Variants in HCN1 observed in about 807,000 individuals in gnomAD.
HCN1 encodes the protein hyperpolarization activated cyclic nucleotide gated potassium channel 1.
HCN1 carries 13 observed loss-of-function variants against 78.9 expected under a neutral mutation model. The observed-to-expected ratio is 0.16, with a 90% CI of 0.11 to 0.26. The LOEUF is 0.26. HCN1 is among the 10% of genes least tolerant of loss of function. The pLI is 1.00. For missense variants in HCN1, 810 were observed against 1,154.3 expected (o/e 0.70, Z 4.32); for synonymous variants, 552 against 455.5 (o/e 1.21, Z -2.70).
intron 2 of HCN1, among the ~76,000 whole-genome samples, chr5:45,473,352 C>T (rs1741442266): frequency 6.6e-6 from 1 of 151,872 alleles, no homozygotes. Flanking sequence ...TTCTCCAGTG[C>T]AGCTAGTTAA....
At chr5:45,539,055 G>A (rs892054014) in intron 2 of HCN1, among the ~76,000 whole-genome samples, 4 of 152,140 alleles carry the variant, frequency 2.6e-5, no homozygotes, top group South Asian at 2.1e-4. Context: ...GATTTAAAGC[G>A]TAGGTTCAAT....
chr5:45,372,770 A>G (rs528510062), intron 4 of HCN1, among the ~76,000 whole-genome samples: 1 of 143,330 alleles, frequency 7.0e-6, no homozygotes, highest in African/African-American at 2.5e-5. Context: ...ACAAAAATAT[A>G]TACGTATTCT....
chr5:45,625,015 A>G (rs1403661947), intron 2 of HCN1, among the ~76,000 whole-genome samples: 1 of 152,136 alleles, frequency 6.6e-6, no homozygotes, highest in Non-Finnish European at 1.5e-5. Context: ...GTTTGATCTA[A>G]TAGTGTGTAG....
chr5:45,645,423 G>C lies in HCN1; in HGVS notation c.611C>G (p.Ser204Cys). The C allele has an allele frequency of 6.2e-7, 1 of 1,613,576 alleles. No individual in the cohort carries two copies. Among genetic ancestry groups the C allele is most frequent in the Non-Finnish European group, 8.5e-7 (1 of 1,179,748 alleles). Residue 204 changes from serine to cysteine, a missense_variant, in exon 2 of 8, where the codon TCT becomes TGT. Around this residue, in one of 6 missense-constraint regions of HCN1, gnomAD observed 104 missense variants for 402.8 expected, o/e 0.26. Transcript: ENST00000303230. ...CACTTTGGGGTCCAGGATGATTTCA[G>C]AACTGTCTTCATTGACAGTCCCAGT... The part of the protein sequence containing the change: ...FRTGTVNEDS[S>C]EIILDPKVIK...
intron 4 of HCN1, among the ~76,000 whole-genome samples, chr5:45,392,210 G>A (rs550247664): frequency 1.3e-5 from 2 of 152,190 alleles, no homozygotes; most frequent in East Asian, 1.9e-4. Flanking sequence ...CACCTTTTGT[G>A]TCTGGGTGTA....
At chr5:45,365,319 G>A (rs1021653594) in intron 4 of HCN1, among the ~76,000 whole-genome samples, 1 of 151,860 alleles carries the variant, frequency 6.6e-6, no homozygotes, top group East Asian at 1.9e-4. Context: ...TACTCAATAG[G>A]TAATTTTTCA....
intron 2 of HCN1, among the ~76,000 whole-genome samples, chr5:45,472,407 T>C (rs1741409250): frequency 6.6e-6 from 1 of 151,498 alleles, no homozygotes; most frequent in African/African-American, 2.4e-5. Flanking sequence ...TCTTACTAGA[T>C]AGTGAGCCCT....
intron 6 of HCN1, among the ~76,000 whole-genome samples, chr5:45,277,105 T>C (rs1406819651): frequency 6.6e-6 from 1 of 152,074 alleles, no homozygotes; most frequent in Non-Finnish European, 1.5e-5. Context: ...GTGTGCAAAA[T>C]ATTATTTTAA....
At chr5:45,674,960 G>T (rs1022748222) in intron 1 of HCN1, among the ~76,000 whole-genome samples, 1 of 151,620 alleles carries the variant, frequency 6.6e-6, no homozygotes, top group Non-Finnish European at 1.5e-5. Context: ...AGATATGCAT[G>T]CATATATAAG....
At chr5:45,637,722 C>T (rs1745380676) in intron 2 of HCN1, among the ~76,000 whole-genome samples, 1 of 151,874 alleles carries the variant, frequency 6.6e-6, no homozygotes, top group African/African-American at 2.4e-5. Flanking sequence ...TTTTCATGAA[C>T]ATGAAACATA....
rs75457555 is a variant in HCN1, at chr5:45,417,019, A to G, written c.1012-20309T>C. Among the ~76,000 whole-genome samples, 567 of 152,168 alleles carry G rather than the reference A, an allele frequency of 3.7e-3. 2 individuals carry two copies. Among genetic ancestry groups the G allele is most frequent in the African/African-American group, 0.01 (425 of 41,568 alleles). ...AACAGAGAACACATTTAAATACACT[A>G]AAGTTTGAACCTGCTTTACAAACAA... On this transcript the variant is annotated intron_variant, in intron 3 of 7. Transcript: ENST00000303230.
At chr5:45,617,942 ATTGTAGAC>A (rs1416318892) in intron 2 of HCN1, among the ~76,000 whole-genome samples, 1 of 152,116 alleles carries the variant, frequency 6.6e-6, no homozygotes, top group African/African-American at 2.4e-5. Context: ...TACAAAGTAT[ATTGTAGAC>A]TTACTATCTG....
At chr5:45,610,641 A>G (rs1744814947) in intron 2 of HCN1, among the ~76,000 whole-genome samples, 1 of 150,754 alleles carries the variant, frequency 6.6e-6, no homozygotes, top group Non-Finnish European at 1.5e-5. Context: ...ATTAGATTTA[A>G]TGATATAATT....
intron 6 of HCN1, among the ~76,000 whole-genome samples, chr5:45,299,770 A>G (rs1745572027): frequency 6.6e-6 from 1 of 151,990 alleles, no homozygotes; most frequent in African/African-American, 2.4e-5. Flanking sequence ...CTTCTCTAAA[A>G]CAGCGAATAC....
intron 2 of HCN1, among the ~76,000 whole-genome samples, chr5:45,513,518 C>T (rs12656485): frequency 0.24 from 37,241 of 152,014 alleles, 4,686 homozygotes; most frequent in East Asian, 0.32. Context: ...GGCATTGGTC[C>T]CTGGACTGTT....
chr5:45,264,524 C>T (rs1304128894), intron 7 of HCN1, among the ~76,000 whole-genome samples: 1 of 152,108 alleles, frequency 6.6e-6, no homozygotes, highest in Admixed American at 6.5e-5. Context: ...TCATTGACTG[C>T]TAGGAATGCA....
intron 6 of HCN1, among the ~76,000 whole-genome samples, chr5:45,277,585 CTCTT>C (rs1745089795): frequency 6.6e-5 from 10 of 152,058 alleles, no homozygotes; most frequent in Admixed American, 6.6e-4. Flanking sequence ...TTTCATGAAA[CTCTT>C]TCTCACATTA....
chr5:45,562,605 A>G (rs1485629260), intron 2 of HCN1, among the ~76,000 whole-genome samples: 1 of 152,222 alleles, frequency 6.6e-6, no homozygotes, highest in African/African-American at 2.4e-5. Flanking sequence ...TGAAGCTATT[A>G]ATGAATATCT....
intron 5 of HCN1, among the ~76,000 whole-genome samples, chr5:45,341,827 C>G (rs1746588046): frequency 6.6e-6 from 1 of 152,134 alleles, no homozygotes; most frequent in Non-Finnish European, 1.5e-5. Context: ...GAGAAACACC[C>G]AGGGAAGCTT....
Sources: gnomAD v4.1 joint callset for allele counts (sites outside exome capture counted in the v4.1 genomes callset) on GRCh38, gnomAD v4.1.1 for gene constraint, gnomAD v4.1.1 regional missense constraint, MANE v1.5 for transcripts, NCBI Gene and HGNC (gene_info 2026-07-23, HGNC 2026-07-21) for gene names.